Variants in WDR35 observed in about 807,000 individuals in gnomAD.
WDR35 encodes WD repeat domain 35.
A neutral mutation model predicts 158.3 loss-of-function variants in WDR35; 118 were observed. The ratio of observed to expected loss-of-function variants is 0.75; its 90% CI spans 0.64 to 0.87. The LOEUF (loss-of-function observed/expected upper bound fraction) is 0.87. Among genes scored for constraint, WDR35 ranks in the 40% least tolerant of loss-of-function variants. The pLI, the probability that WDR35 is intolerant of heterozygous loss-of-function variation, is 0.00. For missense variants in WDR35, 1,263 were observed against 1,405.8 expected (o/e 0.90, Z 1.62); for synonymous variants, 448 against 476.1 (o/e 0.94, Z 0.77).
At chr2:19,954,188 C>T (rs1007223472) in intron 11 of WDR35, among the ~76,000 whole-genome samples, 2 of 152,168 alleles carry the variant, frequency 1.3e-5, no homozygotes, top group Admixed American at 6.5e-5. Context: ...CAAAATAAAT[C>T]AGAGACTCAA....
At chr2:19,949,811 G>A (rs1558339987) in intron 13 of WDR35, among the ~76,000 whole-genome samples, 1 of 152,170 alleles carries the variant, frequency 6.6e-6, no homozygotes, top group Non-Finnish European at 1.5e-5. Flanking sequence ...AGGACTTGGT[G>A]ATTTATTAGA....
rs558098005 is a variant in WDR35, at chr2:19,938,487, C to T, written c.1927-86G>A. 79 of 1,365,292 alleles carry T rather than the reference C, an allele frequency of 5.8e-5. 1 individual carries two copies. The South Asian group carries it at 9.8e-4, about 17-fold the overall frequency. 84.6% of individuals were successfully genotyped at this position (1,365,292 alleles called of 1,614,324 possible). A position where few individuals can be genotyped will look rare whatever the true frequency, so the allele number is the denominator to read the frequency against. Reference sequence around the variant, plus strand: ...TTTTATATTAAAAACCAGAACAAAACAAAACAAGAAAAAAAACGGCATCAT... The same window carrying T: ...TTTTATATTAAAAACCAGAACAAAATAAAACAAGAAAAAAAACGGCATCAT... On this transcript the variant is annotated intron_variant, in intron 17 of 26. Coordinates refer to ENST00000281405, the MANE Select transcript of WDR35 (RefSeq NM_020779.4).
chr2:19,979,751 G>A (rs1672324141), intron 4 of WDR35, among the ~76,000 whole-genome samples: 1 of 140,232 alleles, frequency 7.1e-6, no homozygotes, highest in Admixed American at 7.5e-5. Flanking sequence ...CCAGTCCACT[G>A]AACTTTCACA....
At chr2:19,956,855 G>A (rs1002840803) in intron 11 of WDR35, among the ~76,000 whole-genome samples, 2 of 152,070 alleles carry the variant, frequency 1.3e-5, no homozygotes, top group East Asian at 1.9e-4. Flanking sequence ...TCCTGACCTC[G>A]TGATCCGCCC....
chr2:19,965,049 G>A (rs1406641780), intron 10 of WDR35, among the ~76,000 whole-genome samples: 4 of 151,922 alleles, frequency 2.6e-5, no homozygotes, highest in Non-Finnish European at 4.4e-5. Flanking sequence ...TCAGCCTCCC[G>A]AGTAGCTGGG....
At chr2:19,955,431 G>C (rs1017299843) in intron 11 of WDR35, among the ~76,000 whole-genome samples, 1 of 152,126 alleles carries the variant, frequency 6.6e-6, no homozygotes, top group African/African-American at 2.4e-5. Context: ...AGCTCCTACT[G>C]TATATGCTTT....
At position 19,982,522 on chromosome 2, in the gene WDR35, A is replaced by C; in HGVS notation, c.155T>G (p.Leu52Trp). 1 of 1,613,838 alleles carries C rather than the reference A, an allele frequency of 6.2e-7. No individual in the cohort carries two copies. Among genetic ancestry groups the C allele is most frequent in the Non-Finnish European group, 8.5e-7 (1 of 1,179,884 alleles). The part of the protein sequence containing the change: ...KLETQTDDAK[L>W]RGLAAPSNLS... ...GTTACTGGGGGCTGCAAGGCCCCTCAATTTTGCATCATCTAAAACAAAACA... is the reference window on the plus strand; with the variant it reads ...GTTACTGGGGGCTGCAAGGCCCCTCCATTTTGCATCATCTAAAACAAAACA... Residue 52 changes from leucine (L) to tryptophan (W), a missense_variant, in exon 3 of 27, where the codon TTG (leucine) becomes TGG (tryptophan). Physicochemically the swap from Leu to Trp is moderately conservative, Grantham distance 61. Transcript: ENST00000281405.
chr2:19,914,514 G>A (rs1010772840), intron 25 of WDR35, among the ~76,000 whole-genome samples: 2 of 152,160 alleles, frequency 1.3e-5, no homozygotes, highest in African/African-American at 4.8e-5. Context: ...TGCTGCACAT[G>A]GCTGTGCCAG....
Position 19,913,483 on chromosome 2 carries a change from C to A in WDR35, c.*75G>T. 2 of 1,564,954 alleles carry A rather than the reference C, an allele frequency of 1.3e-6. No homozygotes were observed. The highest frequency in any genetic ancestry group is 1.8e-6 in the Non-Finnish European group (2 of 1,141,790). On this transcript the variant is annotated 3_prime_UTR_variant, in exon 27 of 27. Coordinates refer to ENST00000281405, the MANE Select transcript of WDR35 (RefSeq NM_020779.4). ...TCATACAAAACTCACAGAAATAAAC[C>A]TTATTACATATACAGCATATAGCCA...
chr2:19,971,015 A>G (rs183798644), intron 8 of WDR35, among the ~76,000 whole-genome samples: 1 of 152,172 alleles, frequency 6.6e-6, no homozygotes, highest in Non-Finnish European at 1.5e-5. Flanking sequence ...TCTTCAATAA[A>G]TATACATTCA....
At position 19,930,450 on chromosome 2, in the gene WDR35, T is replaced by C. The variant is rs781566925; in HGVS notation, c.3067A>G (p.Ile1023Val). 1.2e-5 allele frequency: 19 copies of C among 1,614,064 alleles called. No individual in the cohort carries two copies. The highest frequency in any genetic ancestry group is 1.7e-5 in the Admixed American group (1 of 60,000). The change falls in exon 25 of 27, where the codon ATA (isoleucine) becomes GTA (valine). Residue 1023 changes from isoleucine (I) to valine (V), a missense_variant. Transcript: ENST00000281405. ...TCATAGAGCTGCCTCTGTGCAAGTA[T>C]AAAGAAGTGGTAAGCCTCTGCCCCT... Reference protein sequence around the residue: ...WRGAEAYHFFILAQRQLYEGC... With the variant: ...WRGAEAYHFFVLAQRQLYEGC...
At chr2:19,956,905 C>T (rs1372299688) in intron 11 of WDR35, among the ~76,000 whole-genome samples, 1 of 152,182 alleles carries the variant, frequency 6.6e-6, no homozygotes, top group East Asian at 1.9e-4. Flanking sequence ...AGGCGTGAGC[C>T]ACCGCGCCCG....
At chr2:19,936,161 C>T in intron 20 of WDR35, 58 bp downstream of exon 20, 1 of 1,609,352 alleles carries the variant, frequency 6.2e-7, no homozygotes, top group South Asian at 1.1e-5. Context: ...TAGAGAAGTA[C>T]TCAGGCAGCT....
chr2:19,937,881 C>T lies in WDR35; in HGVS notation c.2129G>A (p.Arg710His), dbSNP rs370797645. ...CTTAATGCCTTGGTAATCTTTGCAG[C>T]GCACAAATGCTTGCTCTGCAGTGTA... ...DLYTAEQAFV[R>H]CKDYQGIKFV... Residue 710 changes from arginine to histidine, a missense_variant, in exon 19 of 27, where the codon CGC becomes CAC. Arg to His is a conservative substitution (Grantham distance 29). Transcript: ENST00000281405. 1.6e-4 allele frequency: 262 copies of T among 1,614,134 alleles called. No individual in the cohort carries two copies. The highest frequency in any genetic ancestry group is 3.3e-4 in the Middle Eastern group (2 of 6,062).
chr2:19,987,123 C>A (rs533915825), intron 2 of WDR35, among the ~76,000 whole-genome samples: 70 of 152,314 alleles, frequency 4.6e-4, no homozygotes, highest in African/African-American at 1.6e-3. Context: ...TAGAGGATTG[C>A]TGTATTATGT....
At chr2:19,919,397 A>G (rs1298184768) in intron 25 of WDR35, among the ~76,000 whole-genome samples, 10 of 117,952 alleles carry the variant, frequency 8.5e-5, no homozygotes, top group African/African-American at 2.7e-4. Flanking sequence ...AAAAAAAAAA[A>G]AGAAAAGAAA....
At chr2:19,940,153 G>A (rs1229279674) in intron 17 of WDR35, among the ~76,000 whole-genome samples, 7 of 127,796 alleles carry the variant, frequency 5.5e-5, no homozygotes, top group African/African-American at 2.1e-4. Flanking sequence ...AGGAGTTCAA[G>A]ACCACCCTTG....
At chr2:19,930,776 G>A (rs952096373) in intron 24 of WDR35, among the ~76,000 whole-genome samples, 1 of 152,104 alleles carries the variant, frequency 6.6e-6, no homozygotes, top group African/African-American at 2.4e-5. Context: ...ATGGACTCAA[G>A]TGATCCTCCC....
intron 22 of WDR35, 103 bp downstream of exon 22, chr2:19,933,298 T>G (rs1272047892): frequency 1.1e-6 from 1 of 926,818 alleles, no homozygotes; most frequent in Admixed American, 1.9e-5. Flanking sequence ...AACCCTTACA[T>G]TGGCAATAAT....
Sources: allele counts gnomAD v4.1 joint callset (sites outside exome capture counted in the v4.1 genomes callset), GRCh38; gene constraint gnomAD v4.1.1; transcripts MANE v1.5; gene names NCBI Gene and HGNC (gene_info 2026-07-23, HGNC 2026-07-21).